The following CDHR1 variants were observed in gnomAD, a reference collection of about 807,000 sequenced individuals.
CDHR1 encodes cadherin-related family member 1.
In CDHR1, 61 loss-of-function variants were observed where a neutral mutation model predicts 72.1. The ratio of observed to expected loss-of-function variants is 0.85; its 90% CI spans 0.69 to 1.05. The LOEUF is 1.05. Among genes scored for constraint, CDHR1 ranks in the 50% least tolerant of loss-of-function variants. The probability of loss-of-function intolerance (pLI) is 0.00; values close to 1 mark genes in which losing one functional copy is unlikely to be tolerated. For synonymous variants in CDHR1, 470 were observed against 448.1 expected, an observed-to-expected ratio of 1.05 and a Z score of -0.62; for missense variants, 1,186 against 1,115.7, an observed-to-expected ratio of 1.06 and a Z score of -0.90.
chr10:84,211,431 G>T (rs1842329802), intron 13 of CDHR1, among the ~76,000 whole-genome samples: 1 of 152,224 alleles, frequency 6.6e-6, no homozygotes, highest in Non-Finnish European at 1.5e-5. Context: ...AAGGAGGGAT[G>T]AGTGTTTTCC....
In CDHR1 at chr10:84,197,652, C is replaced by A. The variant is rs549140409; in HGVS notation, c.298-134C>A. 3 of 822,480 alleles carry A rather than the reference C, an allele frequency of 3.6e-6. No individual in the cohort carries two copies. The African/African-American group carries it at 5.0e-5, about 14-fold the overall frequency. The allele number at this position is 822,480 out of a possible 1,614,324, so 50.9% of individuals were successfully genotyped here. A position where few individuals can be genotyped will look rare whatever the true frequency, so the allele number is the denominator to read the frequency against. ...CAGGCATGCTGTCACCACCACTTACCCTGCTCCAGGGATCTATTGGCACGC... is the reference window on the plus strand; with the variant it reads ...CAGGCATGCTGTCACCACCACTTACACTGCTCCAGGGATCTATTGGCACGC... On this transcript the variant is annotated intron_variant, in intron 3 of 16. Transcript: ENST00000623527.
intron 10 of CDHR1, among the ~76,000 whole-genome samples, chr10:84,207,270 G>A (rs1444516174): frequency 6.6e-6 from 1 of 151,056 alleles, no homozygotes; most frequent in East Asian, 1.9e-4. Flanking sequence ...AGGAGGAGAG[G>A]GGCAGGTAAA....
rs192312295 is a variant in CDHR1 at position 84,196,900 on chromosome 10, A to G, written c.297+250A>G. On this transcript the variant is annotated intron_variant, in intron 3 of 16. Coordinates refer to ENST00000623527, the MANE Select transcript of CDHR1 (RefSeq NM_033100.4). ...TTAACGAGCACCTGCCAGCCCTGCT[A>G]ATCTTTTAAGCATGTTCCATTAAAA... is the stretch of plus-strand genomic sequence containing the variant. Among the ~76,000 whole-genome samples, 65 of 152,328 alleles carry G rather than the reference A, an allele frequency of 4.3e-4. 1 individual carries two copies. Among genetic ancestry groups the G allele is most frequent in the South Asian group, 1.0e-3 (5 of 4,826 alleles).
Position 84,208,202 on chromosome 10 carries a change from C to G in CDHR1, c.992C>G (p.Pro331Arg). The G allele has an allele frequency of 6.2e-7, 1 of 1,614,142 alleles. No individual in the cohort carries two copies. The highest frequency in any genetic ancestry group is 8.5e-7 in the Non-Finnish European group (1 of 1,180,026). The change falls in exon 11 of 17, where the codon CCA becomes CGA. Residue 331 changes from proline to arginine, a missense_variant. Pro to Arg is a moderately radical substitution (Grantham distance 103). Coordinates refer to ENST00000623527, the MANE Select transcript of CDHR1 (RefSeq NM_033100.4). ...ACTGAAATGAGCCCTGCGGGGAGCCCAGCTGCCCAGGCCACCGTCCCAGTC... is the reference window on the plus strand; with the variant it reads ...ACTGAAATGAGCCCTGCGGGGAGCCGAGCTGCCCAGGCCACCGTCCCAGTC... The part of the protein sequence containing the change: ...QVTEMSPAGS[P>R]AAQATVPVTI...
chr10:84,207,625 T>C (rs1564661801), intron 10 of CDHR1, among the ~76,000 whole-genome samples: 1 of 152,188 alleles, frequency 6.6e-6, no homozygotes, highest in African/African-American at 2.4e-5. Flanking sequence ...GTATTAGTTA[T>C]CAGCTGCATA....
rs1189719120 is a variant in CDHR1, at chr10:84,201,901, A to G, written c.620A>G (p.Tyr207Cys). Residue 207 changes from tyrosine to cysteine, a missense_variant, in exon 7 of 17, where the codon TAC becomes TGC. Tyr to Cys is a radical substitution (Grantham distance 194, BLOSUM62 -2). Transcript: ENST00000623527. The stretch of plus-strand genomic sequence containing the variant: ...GACTACGAGAGGTCCCGGACCCACT[A>G]CATCACCGTGGTCGCCAAGGTAACA... ...TLDYERSRTH[Y>C]ITVVAKDGGG... is the part of the protein sequence containing the mutation. 2 of 1,606,258 alleles carry G rather than the reference A, an allele frequency of 1.2e-6. No homozygotes were observed. Among genetic ancestry groups the G allele is most frequent in the Non-Finnish European group, 1.7e-6 (2 of 1,179,734 alleles).
chr10:84,201,492 G>T (rs1046905909), intron 6 of CDHR1, among the ~76,000 whole-genome samples: 3 of 152,224 alleles, frequency 2.0e-5, no homozygotes, highest in African/African-American at 7.2e-5. Context: ...CGCAGACATT[G>T]CCATCTGCTG....
chr10:84,196,360 A>G (rs890858443), intron 2 of CDHR1, 145 bp from the exon 3 acceptor site: 2 of 858,760 alleles, frequency 2.3e-6, no homozygotes, highest in African/African-American at 1.7e-5. Context: ...GAGGCCAGCA[A>G]TGAGCACCAA....
chr10:84,215,011 C>T lies in CDHR1; in HGVS notation c.*390C>T, dbSNP rs139848391. On this transcript the variant is annotated 3_prime_UTR_variant, in exon 17 of 17. Transcript: ENST00000623527. ...CATCATCCTTAGTCAAGCAGCAGGG[C>T]CCTGGCCACGTGGAGCAACACTGAC... 7.0e-5 allele frequency: 80 copies of T among 1,140,270 alleles called. No individual in the cohort carries two copies. The East Asian group carries it at 4.4e-3, about 63-fold the overall frequency. The allele number at this position is 1,140,270 out of a possible 1,614,324, so 70.6% of individuals were successfully genotyped here.
rs750205540 is a variant in CDHR1 at position 84,208,242 on chromosome 10, G to A, written c.1032G>A (p.Val344=). Residue 344 remains valine, a synonymous_variant, in exon 11 of 17, where the codon GTG becomes GTA. Coordinates refer to ENST00000623527, the MANE Select transcript of CDHR1 (RefSeq NM_033100.4). ...CCGTCCCAGTCACCATCAGGATTGTGGACCTCAACAACCACCCGCCAACAT... is the reference window on the plus strand; with the variant it reads ...CCGTCCCAGTCACCATCAGGATTGTAGACCTCAACAACCACCCGCCAACAT... ...QATVPVTIRI[V]DLNNHPPTFY... is the part of the protein sequence containing the mutation. 7.4e-6 allele frequency: 12 copies of A among 1,614,014 alleles called. No individual in the cohort carries two copies. In the South Asian group the frequency reaches 9.9e-5, roughly 13 times the overall value.
Position 84,216,090 on chromosome 10 carries a change from G to C in CDHR1, c.*1469G>C. On this transcript the variant is annotated 3_prime_UTR_variant, in exon 17 of 17. Coordinates refer to ENST00000623527, the MANE Select transcript of CDHR1 (RefSeq NM_033100.4). ...CCTCTGGGGTTAATACAAATAGGTTGTGCCCTGCTTTAAGGAACCTGCTAT... is the reference window on the plus strand; with the variant it reads ...CCTCTGGGGTTAATACAAATAGGTTCTGCCCTGCTTTAAGGAACCTGCTAT... 1 of 985,462 alleles carries C rather than the reference G, an allele frequency of 1.0e-6. No homozygotes were observed. Among genetic ancestry groups the C allele is most frequent in the Non-Finnish European group, 1.2e-6 (1 of 829,950 alleles). The allele number at this position is 985,462 out of a possible 1,614,324, so 61.0% of individuals were successfully genotyped here.
Position 84,203,136 on chromosome 10 carries a change from C to A in CDHR1, c.783+13C>A. The A allele has an allele frequency of 1.9e-6, 3 of 1,614,080 alleles. No individual in the cohort carries two copies. Among genetic ancestry groups the A allele is most frequent in the African/African-American group, 2.7e-5 (2 of 75,052 alleles). On this transcript the variant is annotated intron_variant, in intron 8 of 16. Coordinates refer to ENST00000623527, the MANE Select transcript of CDHR1 (RefSeq NM_033100.4). ...GGACACCCTTCCGGTGGGTGGCTGT[C>A]CCCCTCAGCCAGCGATCCCTCCAAA...
rs1842443477 is a variant in CDHR1, at chr10:84,217,476, C to A, written c.*2855C>A. 2.0e-6 allele frequency: 2 copies of A among 980,858 alleles called. No homozygotes were observed. Among genetic ancestry groups the A allele is most frequent in the African/African-American group, 1.8e-5 (1 of 57,108 alleles). 60.8% of individuals were successfully genotyped at this position (980,858 alleles called of 1,614,324 possible). A position where few individuals can be genotyped will look rare whatever the true frequency, so the allele number is the denominator to read the frequency against. On this transcript the variant is annotated 3_prime_UTR_variant, in exon 17 of 17. Coordinates refer to ENST00000623527, the MANE Select transcript of CDHR1 (RefSeq NM_033100.4). ...CCCTAGGTCTGAATTCTGGTTCTGC[C>A]ATTAATTGTGACTTTGGGCAAGAGG...
Position 84,205,841 on chromosome 10 carries a change from T to C in CDHR1, c.877T>C (p.Phe293Leu). The C allele has an allele frequency of 1.9e-6, 3 of 1,613,846 alleles. No individual in the cohort carries two copies. Among genetic ancestry groups the C allele is most frequent in the Non-Finnish European group, 2.5e-6 (3 of 1,179,870 alleles). ...YSLVNGNDGA[F>L]EINETSGAIS... Reference sequence around the variant, plus strand: ...TCCCTTGACAGGGAACGATGGAGCCTTTGAAATTAATGAGACATCTGGAGC... The same window carrying C: ...TCCCTTGACAGGGAACGATGGAGCCCTTGAAATTAATGAGACATCTGGAGC... The change falls in exon 10 of 17, where the codon TTT (phenylalanine) becomes CTT (leucine). Residue 293 changes from phenylalanine to leucine, a missense_variant. Physicochemically the swap from Phe to Leu is conservative, Grantham distance 22. Transcript: ENST00000623527.
chr10:84,214,715 A>T lies in CDHR1; in HGVS notation c.*94A>T, dbSNP rs958854123. On this transcript the variant is annotated 3_prime_UTR_variant, in exon 17 of 17. Transcript: ENST00000623527. ...TCCCCTTCCTCTGCTCCTTAAGGTC[A>T]CTGACCCCTGTTTTGCACAATGGTA... The T allele has an allele frequency of 1.3e-6, 2 of 1,584,112 alleles. No homozygotes were observed. The highest frequency in any genetic ancestry group is 3.4e-5 in the Admixed American group (2 of 58,128).
In CDHR1 at chr10:84,214,118, C is replaced by A. The variant is rs778167458; in HGVS notation, c.2077C>A (p.Gln693Lys). 1 of 1,614,094 alleles carries A rather than the reference C, an allele frequency of 6.2e-7. No homozygotes were observed. The highest frequency in any genetic ancestry group is 8.5e-7 in the Non-Finnish European group (1 of 1,180,044). Residue 693 changes from glutamine (Q) to lysine (K), a missense_variant, in exon 17 of 17, where the codon CAG (glutamine) becomes AAG (lysine). By Grantham distance (53) the Gln-to-Lys change is moderately conservative (BLOSUM62 1). Coordinates refer to ENST00000623527, the MANE Select transcript of CDHR1 (RefSeq NM_033100.4). ...SRSPMAAFLI[Q>K]TKDNPMKAVG... ...GAGCCCCATGGCTGCCTTCCTGATA[C>A]AGACCAAGGACAACCCCATGAAGGC...
At chr10:84,204,467 T>C (rs949226250) in intron 8 of CDHR1, 60 bp from the exon 9 acceptor site, 8 of 1,167,882 alleles carry the variant, frequency 6.9e-6, no homozygotes, top group South Asian at 1.2e-5. Context: ...GAGACATTGT[T>C]TGGGGAGGGG....
At position 84,196,493 on chromosome 10, in the gene CDHR1, G is replaced by A; in HGVS notation, c.152-12G>A. 1 of 1,614,182 alleles carries A rather than the reference G, an allele frequency of 6.2e-7. No homozygotes were observed. The highest frequency in any genetic ancestry group is 8.5e-7 in the Non-Finnish European group (1 of 1,180,006). On this transcript the variant is annotated splice_polypyrimidine_tract_variant and intron_variant, in intron 2 of 16. Coordinates refer to ENST00000623527, the MANE Select transcript of CDHR1 (RefSeq NM_033100.4). ...CTCAGATTCTATGTCTCTCCACTGT[G>A]TTTCCTTCCAGGCTCTCACGTATAC...
rs1021371127 is a variant in CDHR1, at chr10:84,208,230, C to T, written c.1020C>T (p.Thr340=). The T allele has an allele frequency of 6.2e-7, 1 of 1,614,044 alleles. No homozygotes were observed. The highest frequency in any genetic ancestry group is 1.3e-5 in the African/African-American group (1 of 74,918). Residue 340 remains threonine, a synonymous_variant, in exon 11 of 17, where the codon ACC becomes ACT. Coordinates refer to ENST00000623527, the MANE Select transcript of CDHR1 (RefSeq NM_033100.4). The stretch of plus-strand genomic sequence containing the variant: ...CTGCCCAGGCCACCGTCCCAGTCAC[C>T]ATCAGGATTGTGGACCTCAACAACC... The part of the protein sequence containing the change: ...SPAAQATVPV[T]IRIVDLNNHP...
Sources: gnomAD v4.1 joint callset for allele counts (sites outside exome capture counted in the v4.1 genomes callset) on GRCh38, gnomAD v4.1.1 for gene constraint, MANE v1.5 for transcripts, NCBI Gene and HGNC (gene_info 2026-07-23, HGNC 2026-07-21) for gene names.